WWOX: variants seen among roughly 807,000 people sequenced by gnomAD.
WWOX encodes WW domain containing oxidoreductase.
WWOX carries 69 observed loss-of-function variants against 46.2 expected under a neutral mutation model. The observed-to-expected ratio is 1.49, with a 90% CI of 1.23 to 1.82. The LOEUF is 1.82. Among genes scored for constraint, WWOX ranks in the 40% most tolerant of loss-of-function variants. The pLI, the probability that WWOX is intolerant of heterozygous loss-of-function variation, is 0.00. For missense variants in WWOX, 919 were observed against 542.6 expected (o/e 1.69, Z -6.89); for synonymous variants, 359 against 202.6 (o/e 1.77, Z -6.56).
chr16:78,800,169 G>A (rs981934980), intron 8 of WWOX, among the ~76,000 whole-genome samples: 2 of 151,964 alleles, frequency 1.3e-5, no homozygotes, highest in Non-Finnish European at 2.9e-5. Context: ...TTATAAAAAT[G>A]TATTAAAACT....
At chr16:78,784,915 T>A (rs895005020) in intron 8 of WWOX, among the ~76,000 whole-genome samples, 1 of 152,152 alleles carries the variant, frequency 6.6e-6, no homozygotes, top group African/African-American at 2.4e-5. Flanking sequence ...ACTCACAACC[T>A]ATGACCACAT....
chr16:78,439,464 C>T (rs2151392776), intron 8 of WWOX, among the ~76,000 whole-genome samples: 1 of 152,262 alleles, frequency 6.6e-6, no homozygotes, highest in Middle Eastern at 3.4e-3. Flanking sequence ...ATTAACATTA[C>T]CATTGGTTTT....
chr16:78,736,178 C>G (rs1395507207), intron 8 of WWOX, among the ~76,000 whole-genome samples: 1 of 152,190 alleles, frequency 6.6e-6, no homozygotes, highest in African/African-American at 2.4e-5. Context: ...TGAAGTCTGG[C>G]TTCAGGTTTA....
intron 8 of WWOX, among the ~76,000 whole-genome samples, chr16:79,122,727 A>C (rs1567564733): frequency 6.6e-6 from 1 of 152,184 alleles, no homozygotes; most frequent in African/African-American, 2.4e-5. Context: ...AAATTTGTAC[A>C]GCTAAGCTGA....
intron 8 of WWOX, among the ~76,000 whole-genome samples, chr16:79,066,233 T>G (rs58235561): frequency 0.18 from 27,613 of 152,076 alleles, 3,582 homozygotes; most frequent in African/African-American, 0.38. Context: ...GAGGCCTCCC[T>G]TAAGCCCACC....
chr16:78,801,291 C>T (rs111848763), intron 8 of WWOX, among the ~76,000 whole-genome samples: 30 of 152,258 alleles, frequency 2.0e-4, no homozygotes, highest in Non-Finnish European at 4.0e-4. Flanking sequence ...AGGTAGATCC[C>T]CTGAGGTTGG....
chr16:78,230,533 A>G (rs71396167), intron 5 of WWOX, among the ~76,000 whole-genome samples: 17,482 of 152,282 alleles, frequency 0.11, 1,299 homozygotes, highest in Non-Finnish European at 0.16. Flanking sequence ...TTGCTTGACC[A>G]TATCCTGCTG....
At chr16:79,068,998 T>C (rs1366885660) in intron 8 of WWOX, among the ~76,000 whole-genome samples, 3 of 152,160 alleles carry the variant, frequency 2.0e-5, no homozygotes, top group East Asian at 1.9e-4. Context: ...TCTATCTTGG[T>C]GTGCACCTGA....
chr16:78,993,255 A>T (rs2046923521), intron 8 of WWOX, among the ~76,000 whole-genome samples: 1 of 148,878 alleles, frequency 6.7e-6, no homozygotes, highest in Non-Finnish European at 1.5e-5. Context: ...CCGAAACTTT[A>T]CTATTTGGGG....
intron 5 of WWOX, among the ~76,000 whole-genome samples, chr16:78,323,784 T>A (rs1021851648): frequency 6.6e-6 from 1 of 152,224 alleles, no homozygotes; most frequent in Non-Finnish European, 1.5e-5. Context: ...ATATATTTTC[T>A]TTTTCCTTTG....
At chr16:78,636,310 T>C (rs2046568977) in intron 8 of WWOX, among the ~76,000 whole-genome samples, 1 of 152,108 alleles carries the variant, frequency 6.6e-6, no homozygotes, top group Non-Finnish European at 1.5e-5. Context: ...CTCAGAGACA[T>C]CACAGCCAAA....
chr16:78,815,062 C>A lies in WWOX; in HGVS notation c.1056+382310C>A, dbSNP rs545250043. Among the ~76,000 whole-genome samples the A allele has an allele frequency of 2.0e-4, 30 of 152,320 alleles. No homozygotes were observed. The East Asian group carries it at 5.8e-3, about 29-fold the overall frequency. ...CGTCCAGGCCGGGCACAGTGGCTCA[C>A]GCCTGTAATCCCAACACTTCGGGAG... is the stretch of plus-strand genomic sequence containing the variant. On this transcript the variant is annotated intron_variant, in intron 8 of 8. Coordinates refer to ENST00000566780, the MANE Select transcript of WWOX (RefSeq NM_016373.4).
chr16:78,667,670 C>CA (rs35375082), intron 8 of WWOX, among the ~76,000 whole-genome samples: 1,788 of 60,298 alleles, frequency 0.03, 35 homozygotes, highest in Non-Finnish European at 0.037. Context: ...GACTCCGTCT[C>CA]AAAAAAAAAA....
intron 8 of WWOX, among the ~76,000 whole-genome samples, chr16:78,870,149 G>A (rs942306278): frequency 2.6e-5 from 4 of 152,120 alleles, no homozygotes; most frequent in Admixed American, 6.6e-5. Context: ...AACAGGAAGG[G>A]GGAAATTGCT....
intron 8 of WWOX, among the ~76,000 whole-genome samples, chr16:78,693,380 C>T (rs777307993): frequency 6.6e-6 from 1 of 152,150 alleles, no homozygotes; most frequent in Admixed American, 6.5e-5. Flanking sequence ...TCCTTTATTA[C>T]TTCTAAGTTC....
At chr16:78,469,663 G>A (rs551161598) in intron 8 of WWOX, among the ~76,000 whole-genome samples, 1 of 152,140 alleles carries the variant, frequency 6.6e-6, no homozygotes, top group Non-Finnish European at 1.5e-5. Flanking sequence ...CAGATAGTGG[G>A]GAATAGTCTA....
intron 5 of WWOX, among the ~76,000 whole-genome samples, chr16:78,273,812 A>G (rs181646104): frequency 7.2e-5 from 11 of 152,320 alleles, no homozygotes; most frequent in Admixed American, 4.6e-4. Context: ...TGGACAGTGT[A>G]TTGTGTAGTG....
chr16:78,698,000 T>C (rs1219931730), intron 8 of WWOX, among the ~76,000 whole-genome samples: 1 of 152,202 alleles, frequency 6.6e-6, no homozygotes, highest in Non-Finnish European at 1.5e-5. Flanking sequence ...CTATACTGTT[T>C]TAGTAGGTCA....
intron 8 of WWOX, among the ~76,000 whole-genome samples, chr16:78,713,043 G>A (rs1350918189): frequency 1.3e-5 from 2 of 152,002 alleles, no homozygotes; most frequent in African/African-American, 4.8e-5. Flanking sequence ...GCTGAGGGAG[G>A]AGAACTGCTT....
Sources: allele counts gnomAD v4.1 joint callset (sites outside exome capture counted in the v4.1 genomes callset), GRCh38; gene constraint gnomAD v4.1.1; transcripts MANE v1.5; gene names NCBI Gene and HGNC (gene_info 2026-07-23, HGNC 2026-07-21).